Variants in CACNA2D3 observed in about 807,000 individuals in gnomAD.
CACNA2D3 encodes voltage-dependent calcium channel subunit alpha-2/delta-3.
Under a neutral mutation model 160.6 loss-of-function variants are expected in CACNA2D3, and 60 were observed. The ratio of observed to expected loss-of-function variants is 0.37; its 90% CI spans 0.30 to 0.46. The LOEUF (loss-of-function observed/expected upper bound fraction) is 0.46, where lower values mean the gene tolerates loss of function less well. Among genes scored for constraint, CACNA2D3 ranks in the 20% least tolerant of loss-of-function variants. The pLI, the probability that CACNA2D3 is intolerant of heterozygous loss-of-function variation, is 1.00. For synonymous variants in CACNA2D3, 558 were observed against 492.9 expected (o/e 1.13, Z -1.75); for missense variants, 1,205 against 1,365.0 (o/e 0.88, Z 1.85).
chr3:54,360,129 G>A (rs1405606343), intron 3 of CACNA2D3, among the ~76,000 whole-genome samples: 6 of 152,306 alleles, frequency 3.9e-5, no homozygotes, highest in Non-Finnish European at 7.4e-5. Context: ...TTGGAACGCA[G>A]CCATACCTTT....
In CACNA2D3 at chr3:54,700,885, C is replaced by T. The variant is rs367855229; in HGVS notation, c.1168-51714C>T. Among the ~76,000 whole-genome samples, 68 of 152,272 alleles carry T rather than the reference C, an allele frequency of 4.5e-4. 1 individual carries two copies. The highest frequency in any genetic ancestry group is 1.6e-3 in the African/African-American group (65 of 41,548). Reference sequence around the variant, plus strand: ...GTCTCAAAACTGTTCAGTGAAAAAACGAAGACCTAACACCAATTCATTAGA... The same window carrying T: ...GTCTCAAAACTGTTCAGTGAAAAAATGAAGACCTAACACCAATTCATTAGA... On this transcript the variant is annotated intron_variant, in intron 11 of 37. Coordinates refer to ENST00000474759, the MANE Select transcript of CACNA2D3 (RefSeq NM_018398.3).
chr3:54,896,699 C>T, intron 25 of CACNA2D3, 50 bp from the exon 26 acceptor site: 2 of 1,613,174 alleles, frequency 1.2e-6, no homozygotes, highest in Non-Finnish European at 1.7e-6. Flanking sequence ...CCAGGCCCAC[C>T]TTTACTCTGC....
chr3:54,125,487 T>C (rs1296701406), intron 2 of CACNA2D3, among the ~76,000 whole-genome samples: 1 of 152,208 alleles, frequency 6.6e-6, no homozygotes. Context: ...CCTGGCATTT[T>C]GTAATCTGAT....
chr3:54,767,208 CAG>C (rs1292993422), intron 13 of CACNA2D3, among the ~76,000 whole-genome samples: 5 of 151,860 alleles, frequency 3.3e-5, no homozygotes, highest in Admixed American at 2.0e-4. Flanking sequence ...TGAATGCAAA[CAG>C]AACAAAATGA....
At chr3:54,424,836 T>G (rs1353809318) in intron 4 of CACNA2D3, among the ~76,000 whole-genome samples, 1 of 152,150 alleles carries the variant, frequency 6.6e-6, no homozygotes, top group Admixed American at 6.5e-5. Flanking sequence ...TTTCCTGCAT[T>G]CTCCATATTC....
intron 13 of CACNA2D3, among the ~76,000 whole-genome samples, chr3:54,779,301 G>A (rs964588563): frequency 6.6e-6 from 1 of 152,274 alleles, no homozygotes; most frequent in East Asian, 1.9e-4. Flanking sequence ...GTTTCACCAT[G>A]TTGAACAGGC....
chr3:55,042,780 G>T (rs898312683), intron 35 of CACNA2D3, among the ~76,000 whole-genome samples: 1 of 152,092 alleles, frequency 6.6e-6, no homozygotes, highest in South Asian at 2.1e-4. Flanking sequence ...CTGGAGGTCA[G>T]TCTATTCCCA....
At chr3:54,829,885 CTTTTTTTTTTT>C (rs58291013) in intron 14 of CACNA2D3, among the ~76,000 whole-genome samples, 1,279 of 64,416 alleles carry the variant, frequency 0.02, 32 homozygotes, top group African/African-American at 0.075. Flanking sequence ...TCTTCTTCAT[CTTTTTTTTTTT>C]TTTTTTTTTT....
chr3:55,024,602 A>C (rs1243803348), intron 35 of CACNA2D3, among the ~76,000 whole-genome samples: 2 of 152,196 alleles, frequency 1.3e-5, no homozygotes, highest in Non-Finnish European at 2.9e-5. Flanking sequence ...ACAAGCCCTG[A>C]CTAAACACTA....
At chr3:54,346,431 TA>T (rs1417936220) in intron 3 of CACNA2D3, among the ~76,000 whole-genome samples, 1 of 152,216 alleles carries the variant, frequency 6.6e-6, no homozygotes, top group Non-Finnish European at 1.5e-5. Context: ...CTCTTCATGA[TA>T]TGTAGATGTT....
chr3:54,821,720 T>TTC (rs1250903850), intron 14 of CACNA2D3, among the ~76,000 whole-genome samples: 1 of 109,136 alleles, frequency 9.2e-6, no homozygotes, highest in Non-Finnish European at 2.0e-5. Context: ...TTCTTTCCTC[T>TTC]CTCTCTCTCT....
At chr3:54,666,715 G>A (rs1700074482) in intron 11 of CACNA2D3, among the ~76,000 whole-genome samples, 1 of 152,118 alleles carries the variant, frequency 6.6e-6, no homozygotes, top group Non-Finnish European at 1.5e-5. Context: ...AGAAAGAAAG[G>A]CCTTAAAAGG....
intron 27 of CACNA2D3, among the ~76,000 whole-genome samples, chr3:54,951,917 C>T (rs183199862): frequency 4.0e-4 from 61 of 152,188 alleles, no homozygotes; most frequent in Middle Eastern, 6.8e-3. Flanking sequence ...GACGCGATCT[C>T]GGCTCACTGC....
chr3:55,031,525 C>T (rs566627677), intron 35 of CACNA2D3, among the ~76,000 whole-genome samples: 1 of 152,246 alleles, frequency 6.6e-6, no homozygotes, highest in African/African-American at 2.4e-5. Context: ...AAGGACATCC[C>T]GTATACTCAA....
At chr3:54,182,056 C>T (rs1700794581) in intron 2 of CACNA2D3, among the ~76,000 whole-genome samples, 1 of 152,030 alleles carries the variant, frequency 6.6e-6, no homozygotes, top group Admixed American at 6.5e-5. Flanking sequence ...TTACAGGCAA[C>T]AATATTTATC....
At chr3:54,896,429 G>A (rs1700190259) in intron 25 of CACNA2D3, among the ~76,000 whole-genome samples, 1 of 152,180 alleles carries the variant, frequency 6.6e-6, no homozygotes, top group South Asian at 2.1e-4. Context: ...TTCTTGTTTA[G>A]AGGGGACATC....
intron 2 of CACNA2D3, among the ~76,000 whole-genome samples, chr3:54,297,141 A>C (rs1490422418): frequency 6.6e-6 from 1 of 152,224 alleles, no homozygotes; most frequent in Non-Finnish European, 1.5e-5. Flanking sequence ...TCCCTTCTAC[A>C]AGCCAGCTCT....
intron 4 of CACNA2D3, among the ~76,000 whole-genome samples, chr3:54,461,427 G>A (rs1344259336): frequency 6.6e-5 from 10 of 150,852 alleles, no homozygotes; most frequent in East Asian, 2.0e-4. Context: ...TGATTGGTAA[G>A]CTATTGATTA....
chr3:55,062,674 C>T (rs551545060), intron 35 of CACNA2D3, among the ~76,000 whole-genome samples: 7 of 152,172 alleles, frequency 4.6e-5, no homozygotes, highest in African/African-American at 9.7e-5. Context: ...TCTGTCCTTA[C>T]GGCTTTTGAT....
Sources: gnomAD v4.1 joint callset for allele counts (sites outside exome capture counted in the v4.1 genomes callset) on GRCh38, gnomAD v4.1.1 for gene constraint, MANE v1.5 for transcripts, NCBI Gene and HGNC (gene_info 2026-07-23, HGNC 2026-07-21) for gene names.